The following CTIF variants were observed in gnomAD, a reference collection of about 807,000 sequenced individuals.
CTIF encodes CBP80/20-dependent translation initiation factor.
Under a neutral mutation model 66.0 loss-of-function variants are expected in CTIF, and 21 were observed. That is an observed-to-expected ratio of 0.32 (90% CI 0.23 to 0.46). The LOEUF (loss-of-function observed/expected upper bound fraction) is 0.46, where lower values mean the gene tolerates loss of function less well. Among genes scored for constraint, CTIF ranks in the 20% least tolerant of loss-of-function variants. CTIF has a pLI of 1.00. For synonymous variants in CTIF, 345 were observed against 326.4 expected, an observed-to-expected ratio of 1.06 and a Z score of -0.62; for missense variants, 739 against 812.7, an observed-to-expected ratio of 0.91 and a Z score of 1.10.
intron 7 of CTIF, among the ~76,000 whole-genome samples, chr18:48,750,504 G>A (rs1907694073): frequency 1.3e-5 from 2 of 152,258 alleles, no homozygotes; most frequent in South Asian, 4.1e-4. Flanking sequence ...GAAGCCAGAG[G>A]GGCCACCCGA....
intron 9 of CTIF, among the ~76,000 whole-genome samples, chr18:48,769,774 T>C (rs1178778345): frequency 1.3e-5 from 2 of 152,268 alleles, no homozygotes; most frequent in Admixed American, 6.5e-5. Flanking sequence ...AAATATGACC[T>C]GCTTTTCTCC....
intron 1 of CTIF, among the ~76,000 whole-genome samples, chr18:48,604,645 T>C (rs963669619): frequency 6.6e-6 from 1 of 152,200 alleles, no homozygotes; most frequent in African/African-American, 2.4e-5. Context: ...TTTATTCAGA[T>C]TCGATTTATA....
intron 7 of CTIF, among the ~76,000 whole-genome samples, chr18:48,743,573 A>T (rs1451004953): frequency 6.6e-6 from 1 of 152,212 alleles, no homozygotes; most frequent in Non-Finnish European, 1.5e-5. Context: ...GTAGAAAATC[A>T]TGCTTTTGCT....
intron 6 of CTIF, among the ~76,000 whole-genome samples, chr18:48,688,908 C>A (rs2091884740): frequency 2.0e-5 from 3 of 152,228 alleles, no homozygotes; most frequent in Admixed American, 1.3e-4. Flanking sequence ...ACAATCAGAG[C>A]TGCCTCTCTG....
At chr18:48,689,482 G>C (rs1389420074) in intron 6 of CTIF, among the ~76,000 whole-genome samples, 1 of 152,174 alleles carries the variant, frequency 6.6e-6, no homozygotes, top group Non-Finnish European at 1.5e-5. Flanking sequence ...ACTTTGAGTT[G>C]AGAACCTTTC....
intron 1 of CTIF, among the ~76,000 whole-genome samples, chr18:48,540,633 G>A (rs2145439986): frequency 6.6e-6 from 1 of 152,258 alleles, no homozygotes; most frequent in South Asian, 2.1e-4. Context: ...CGTGTAGAGG[G>A]GAGGGCTGAC....
At chr18:48,568,633 TA>T (rs58084631) in intron 1 of CTIF, among the ~76,000 whole-genome samples, 85 of 36,632 alleles carry the variant, frequency 2.3e-3, no homozygotes, top group South Asian at 5.0e-3. Context: ...GGGCAATTTG[TA>T]AAAAAAAAAA....
At chr18:48,711,936 C>G (rs1376228936) in intron 7 of CTIF, among the ~76,000 whole-genome samples, 1 of 152,202 alleles carries the variant, frequency 6.6e-6, no homozygotes, top group Non-Finnish European at 1.5e-5. Context: ...AGCCCACCAT[C>G]ACCACTGCCT....
intron 2 of CTIF, among the ~76,000 whole-genome samples, chr18:48,632,620 C>T (rs1419690546): frequency 6.6e-6 from 1 of 152,154 alleles, no homozygotes; most frequent in Admixed American, 6.5e-5. Context: ...GAGGAAGTGT[C>T]TCTGAGTTCT....
At chr18:48,586,000 G>C (rs1381292169) in intron 1 of CTIF, among the ~76,000 whole-genome samples, 1 of 152,164 alleles carries the variant, frequency 6.6e-6, no homozygotes, top group Non-Finnish European at 1.5e-5. Context: ...TGTTGTGATG[G>C]TGGCGATGCT....
rs548586045 is a variant in CTIF, at chr18:48,689,017, C to T, written c.507+18273C>T. 4.6e-5 allele frequency among the ~76,000 whole-genome samples: 7 copies of T among 152,364 alleles called. No homozygotes were observed. The South Asian group carries it at 1.4e-3, about 32-fold the overall frequency. On this transcript the variant is annotated intron_variant, in intron 6 of 11. Coordinates refer to ENST00000256413, the MANE Select transcript of CTIF (RefSeq NM_014772.3). ...CCGGGGCCCCACTCCTCAGCCCCGC[C>T]ATGCCGGGGCACAGAGAGGTGGGGG...
chr18:48,730,605 G>A (rs1480412345), intron 7 of CTIF, among the ~76,000 whole-genome samples: 3 of 83,254 alleles, frequency 3.6e-5, no homozygotes, highest in African/African-American at 1.3e-4. Flanking sequence ...AGGGGCTTCT[G>A]CTGTGTGAGG....
rs117750780 is a variant in CTIF, at chr18:48,771,681, G to A, written c.1371+9992G>A. On this transcript the variant is annotated intron_variant, in intron 9 of 11. Transcript: ENST00000256413. ...GTGGGTTACCGGAGAAGGCCAGCTCGGGTGTCCCAGGCCCCAGAGGGTCAC... is the reference window on the plus strand; with the variant it reads ...GTGGGTTACCGGAGAAGGCCAGCTCAGGTGTCCCAGGCCCCAGAGGGTCAC... Among the ~76,000 whole-genome samples the A allele has an allele frequency of 9.4e-3, 1,433 of 152,250 alleles. 6 individuals carry two copies. Among genetic ancestry groups the A allele is most frequent in the Middle Eastern group, 0.024 (7 of 294 alleles).
chr18:48,587,635 A>G (rs2089801292), intron 1 of CTIF, among the ~76,000 whole-genome samples: 1 of 152,148 alleles, frequency 6.6e-6, no homozygotes, highest in Non-Finnish European at 1.5e-5. Flanking sequence ...TTGGGGCCTC[A>G]CTTTTCTCAT....
chr18:48,710,501 TGCATGGTGGTGCTCTCTG>T (rs1209495931), intron 6 of CTIF, among the ~76,000 whole-genome samples: 1 of 152,190 alleles, frequency 6.6e-6, no homozygotes, highest in African/African-American at 2.4e-5. Flanking sequence ...GGAATGGTAG[TGCATGGTGGTGCTCTCTG>T]CCATGTCCAC....
At chr18:48,776,893 G>C (rs1192214788) in intron 9 of CTIF, among the ~76,000 whole-genome samples, 5 of 152,250 alleles carry the variant, frequency 3.3e-5, no homozygotes, top group African/African-American at 9.6e-5. Context: ...GAGATCCGGT[G>C]GGGAGCCCCA....
intron 2 of CTIF, among the ~76,000 whole-genome samples, chr18:48,621,265 G>C (rs1346026245): frequency 6.7e-6 from 1 of 148,220 alleles, no homozygotes; most frequent in African/African-American, 2.5e-5. Flanking sequence ...AAGTAGCGTA[G>C]TCAGGGAAGC....
chr18:48,740,810 A>T (rs557723898), intron 7 of CTIF, among the ~76,000 whole-genome samples: 12 of 152,276 alleles, frequency 7.9e-5, no homozygotes, highest in East Asian at 7.7e-4. Context: ...TAAAACCATT[A>T]AAAAAATTCC....
chr18:48,690,697 C>CAGA (rs1281050872), intron 6 of CTIF, among the ~76,000 whole-genome samples: 1 of 151,992 alleles, frequency 6.6e-6, no homozygotes, highest in Non-Finnish European at 1.5e-5. Context: ...GCACAGGACC[C>CAGA]AGAAGGCATC....
Sources: allele counts gnomAD v4.1 joint callset (sites outside exome capture counted in the v4.1 genomes callset), GRCh38; gene constraint gnomAD v4.1.1; transcripts MANE v1.5; gene names NCBI Gene and HGNC (gene_info 2026-07-23, HGNC 2026-07-21).